CCSER1: variants seen among roughly 807,000 people sequenced by gnomAD.
The protein encoded by CCSER1 is serine-rich coiled-coil domain-containing protein 1.
CCSER1 carries 41 observed loss-of-function variants against 82.0 expected under a neutral mutation model. The ratio of observed to expected loss-of-function variants is 0.50; its 90% CI spans 0.39 to 0.65. CCSER1 has a LOEUF of 0.65. CCSER1 is among the 30% of genes least tolerant of loss of function. The pLI is 0.00. For missense variants in CCSER1, 1,119 were observed against 1,064.2 expected (o/e 1.05, Z -0.72); for synonymous variants, 414 against 383.9 (o/e 1.08, Z -0.92).
At chr4:90,788,776 A>G (rs1454340) in intron 7 of CCSER1, among the ~76,000 whole-genome samples, 80,509 of 151,954 alleles carry the variant, frequency 0.53, 21,923 homozygotes, top group African/African-American at 0.65. Flanking sequence ...ACATAGTTAA[A>G]GTTCATTAGA....
At chr4:91,237,430 G>C (rs942139023) in intron 10 of CCSER1, among the ~76,000 whole-genome samples, 1 of 150,678 alleles carries the variant, frequency 6.6e-6, no homozygotes, top group Non-Finnish European at 1.5e-5. Context: ...ATATAAACTT[G>C]GTTTACTCAC....
intron 10 of CCSER1, among the ~76,000 whole-genome samples, chr4:91,416,046 G>A (rs1191510509): frequency 6.6e-6 from 1 of 151,890 alleles, no homozygotes; most frequent in Non-Finnish European, 1.5e-5. Flanking sequence ...TTAATTGATA[G>A]GCTATTTATT....
chr4:90,209,380 G>T (rs1739518806), intron 1 of CCSER1, among the ~76,000 whole-genome samples: 1 of 152,122 alleles, frequency 6.6e-6, no homozygotes, highest in Admixed American at 6.6e-5. Context: ...ACAGATGGTG[G>T]AGGGGCAGAA....
At chr4:90,922,171 T>C (rs1332833895) in intron 8 of CCSER1, among the ~76,000 whole-genome samples, 2 of 152,208 alleles carry the variant, frequency 1.3e-5, no homozygotes, top group Non-Finnish European at 2.9e-5. Context: ...TTCTTTTCTA[T>C]ATTTCAGTAA....
intron 10 of CCSER1, among the ~76,000 whole-genome samples, chr4:91,435,233 A>C (rs2149398007): frequency 6.6e-6 from 1 of 152,268 alleles, no homozygotes; most frequent in East Asian, 1.9e-4. Context: ...TGAGTCCTGG[A>C]GTTTGAGACC....
At chr4:91,059,847 G>A (rs1472529516) in intron 9 of CCSER1, among the ~76,000 whole-genome samples, 1 of 152,002 alleles carries the variant, frequency 6.6e-6, no homozygotes, top group Non-Finnish European at 1.5e-5. Context: ...TTGGGGCAAT[G>A]ATTTTCAAAA....
chr4:91,179,565 T>C (rs1733788252), intron 10 of CCSER1, among the ~76,000 whole-genome samples: 1 of 152,238 alleles, frequency 6.6e-6, no homozygotes, highest in South Asian at 2.1e-4. Context: ...TCTTCGTTCA[T>C]TGATACACTT....
chr4:90,748,411 C>T (rs1207345044), intron 7 of CCSER1, among the ~76,000 whole-genome samples: 1 of 150,326 alleles, frequency 6.7e-6, no homozygotes, highest in East Asian at 2.0e-4. Context: ...GTATATGTGC[C>T]ACATTTTCTT....
chr4:91,448,529 T>C (rs1340353796), intron 10 of CCSER1, among the ~76,000 whole-genome samples: 1 of 152,106 alleles, frequency 6.6e-6, no homozygotes, highest in Non-Finnish European at 1.5e-5. Flanking sequence ...TGGTCTTAGA[T>C]AGAGTTGCTT....
At chr4:90,954,355 A>G (rs1045779786) in intron 9 of CCSER1, among the ~76,000 whole-genome samples, 1 of 151,988 alleles carries the variant, frequency 6.6e-6, no homozygotes, top group Non-Finnish European at 1.5e-5. Flanking sequence ...TAACATTTTT[A>G]TTTGTATTGA....
chr4:91,252,699 G>A (rs1442989472), intron 10 of CCSER1, among the ~76,000 whole-genome samples: 4 of 152,138 alleles, frequency 2.6e-5, no homozygotes, highest in Non-Finnish European at 5.9e-5. Context: ...TAGCTGAAAA[G>A]AAGCAGGGTT....
At chr4:91,497,011 T>C (rs1273817830) in intron 10 of CCSER1, among the ~76,000 whole-genome samples, 1 of 150,540 alleles carries the variant, frequency 6.6e-6, no homozygotes, top group East Asian at 2.0e-4. Context: ...TTCTTACTGC[T>C]ATTCTTTTCT....
intron 7 of CCSER1, among the ~76,000 whole-genome samples, chr4:90,780,089 CTTTT>C (rs1297301863): frequency 1.3e-5 from 2 of 152,140 alleles, no homozygotes; most frequent in East Asian, 3.8e-4. Context: ...AAGTAGGTAT[CTTTT>C]TATTTACTGT....
chr4:91,500,978 TTA>T (rs886410452), intron 10 of CCSER1, among the ~76,000 whole-genome samples: 6 of 151,906 alleles, frequency 3.9e-5, no homozygotes, highest in African/African-American at 1.4e-4. Flanking sequence ...TCTATACCTT[TTA>T]TGTTTTTTCT....
At chr4:91,368,291 G>A (rs1432522999) in intron 10 of CCSER1, among the ~76,000 whole-genome samples, 1 of 152,032 alleles carries the variant, frequency 6.6e-6, no homozygotes, top group Non-Finnish European at 1.5e-5. Flanking sequence ...TTTACTCACA[G>A]TAATATGCTC....
At chr4:90,293,661 TAAGAAAATAAAAAATTTA>T (rs1394716935) in intron 1 of CCSER1, among the ~76,000 whole-genome samples, 3 of 151,094 alleles carry the variant, frequency 2.0e-5, no homozygotes, top group Non-Finnish European at 4.4e-5. Flanking sequence ...TTTTTAAATT[TAAGAAAATAAAAAATTTA>T]AAGAAAATAA....
At chr4:90,163,183 TGTTA>T (rs2050280256) in intron 1 of CCSER1, among the ~76,000 whole-genome samples, 1 of 152,150 alleles carries the variant, frequency 6.6e-6, no homozygotes, top group African/African-American at 2.4e-5. Flanking sequence ...TTTCTGACAT[TGTTA>T]GTTTATGATG....
chr4:90,227,395 A>G (rs1196981190), intron 1 of CCSER1, among the ~76,000 whole-genome samples: 3 of 152,234 alleles, frequency 2.0e-5, no homozygotes, highest in African/African-American at 7.2e-5. Context: ...GCAAAATTGC[A>G]TTCGTCTTAT....
At chr4:90,321,745 T>C (rs77329701) in intron 3 of CCSER1, among the ~76,000 whole-genome samples, 2,214 of 152,248 alleles carry the variant, frequency 0.015, 68 homozygotes, top group African/African-American at 0.05. Context: ...GTCGTTTGGA[T>C]AAAAGACACT....
Sources: gnomAD v4.1 joint callset for allele counts (sites outside exome capture counted in the v4.1 genomes callset) on GRCh38, gnomAD v4.1.1 for gene constraint, MANE v1.5 for transcripts, NCBI Gene and HGNC (gene_info 2026-07-23, HGNC 2026-07-21) for gene names.